ACOT7: variants seen among roughly 807,000 people sequenced by gnomAD.
ACOT7 encodes acyl-CoA thioesterase 7, also known as cytosolic acyl coenzyme A thioester hydrolase.
ACOT7 carries 12 observed loss-of-function variants against 40.2 expected under a neutral mutation model. The observed-to-expected ratio is 0.30, with a 90% CI of 0.19 to 0.48. The LOEUF (loss-of-function observed/expected upper bound fraction) is 0.48, where lower values mean the gene tolerates loss of function less well. Among genes scored for constraint, ACOT7 ranks in the 20% least tolerant of loss-of-function variants. ACOT7 has a pLI of 0.99. For missense variants in ACOT7, 395 were observed against 530.8 expected (o/e 0.74, Z 2.51); for synonymous variants, 228 against 219.5 (o/e 1.04, Z -0.34).
At chr1:6,322,392 A>G (rs1340694299) in intron 5 of ACOT7, among the ~76,000 whole-genome samples, 1 of 152,238 alleles carries the variant, frequency 6.6e-6, no homozygotes, top group African/African-American at 2.4e-5. Flanking sequence ...CATGGCAGCT[A>G]ACAGTGACCA....
rs545229830 is a variant in ACOT7 at position 6,372,403 on chromosome 1, T to C, written c.143+20854A>G. On this transcript the variant is annotated intron_variant, in intron 1 of 8. Coordinates refer to ENST00000361521, the MANE Select transcript of ACOT7 (RefSeq NM_007274.4). Reference sequence around the variant, plus strand: ...GGCTGTTTTGCTTTCTTATCATTCATGTGTTCACTGGAGCAGCACTTGTAA... The same window carrying C: ...GGCTGTTTTGCTTTCTTATCATTCACGTGTTCACTGGAGCAGCACTTGTAA... Among the ~76,000 whole-genome samples the C allele has an allele frequency of 5.1e-4, 78 of 152,380 alleles. 1 individual carries two copies. Among genetic ancestry groups the C allele is most frequent in the Non-Finnish European group, 1.0e-3 (70 of 68,044 alleles).
At position 6,301,903 on chromosome 1, in the gene ACOT7, C is replaced by T. The variant is rs937623368; in HGVS notation, c.713-6923G>A. Among the ~76,000 whole-genome samples the T allele has an allele frequency of 6.6e-6, 1 of 152,224 alleles. No individual in the cohort carries two copies. Among genetic ancestry groups the T allele is most frequent in the Non-Finnish European group, 1.5e-5 (1 of 68,044 alleles). On this transcript the variant is annotated intron_variant, in intron 6 of 8. Transcript: ENST00000361521. This position sits in a 1 kb window ranked among gnomAD's most constrained non-coding sequence, Gnocchi z 4.1. ...TCCTCCAGCCCCAGCAGCCAGCACA[C>T]ACGCACCGGCCTGGGAAACCACGCA...
chr1:6,275,620 G>A lies in ACOT7; in HGVS notation c.1014+5482C>T, dbSNP rs1639164788. ...TAATCCCAGCTACTCGGGAGGCTGA[G>A]GCAGGAGAATCGTTTGAACCCGGGA... is the stretch of plus-strand genomic sequence containing the variant. On this transcript the variant is annotated intron_variant, in intron 8 of 8. Coordinates refer to ENST00000361521, the MANE Select transcript of ACOT7 (RefSeq NM_007274.4). The surrounding 1 kb of genome is among the most constrained non-coding windows in gnomAD (Gnocchi z 5.6). 6.6e-6 allele frequency among the ~76,000 whole-genome samples: 1 copy of A among 151,680 alleles called. No homozygotes were observed. Among genetic ancestry groups the A allele is most frequent in the Non-Finnish European group, 1.5e-5 (1 of 67,958 alleles).
chr1:6,384,804 A>G (rs1025963471), intron 1 of ACOT7, among the ~76,000 whole-genome samples: 1 of 151,768 alleles, frequency 6.6e-6, no homozygotes, highest in Non-Finnish European at 1.5e-5. Flanking sequence ...GCTCCATGTC[A>G]GGAGAACAAA....
At chr1:6,389,056 A>AG (rs1324460237) in intron 1 of ACOT7, among the ~76,000 whole-genome samples, 1 of 152,008 alleles carries the variant, frequency 6.6e-6, no homozygotes. Context: ...AAAAAAAAAA[A>AG]AAAGACAAAG....
At position 6,374,929 on chromosome 1, in the gene ACOT7, G is replaced by A. The variant is rs141501491; in HGVS notation, c.143+18328C>T. Among the ~76,000 whole-genome samples the A allele has an allele frequency of 3.8e-3, 583 of 152,330 alleles. 5 individuals carry two copies. Among genetic ancestry groups the A allele is most frequent in the African/African-American group, 0.013 (561 of 41,566 alleles). On this transcript the variant is annotated intron_variant, in intron 1 of 8. Coordinates refer to ENST00000361521, the MANE Select transcript of ACOT7 (RefSeq NM_007274.4). Reference sequence around the variant, plus strand: ...GTTCATCCTGATCAGTTACATGGCTGAAGTTCCCACTTTATTGATTTAAAG... The same window carrying A: ...GTTCATCCTGATCAGTTACATGGCTAAAGTTCCCACTTTATTGATTTAAAG...
chr1:6,313,823 A>T (rs1398751094), intron 6 of ACOT7, among the ~76,000 whole-genome samples: 2 of 151,986 alleles, frequency 1.3e-5, no homozygotes, highest in African/African-American at 4.8e-5. Context: ...AAAAAAAAAA[A>T]GAAAAAGTCC....
At chr1:6,387,679 G>A (rs1642461697) in intron 1 of ACOT7, among the ~76,000 whole-genome samples, 1 of 152,192 alleles carries the variant, frequency 6.6e-6, no homozygotes, top group African/African-American at 2.4e-5. Context: ...CTTCTGGTCT[G>A]ACCAGAACTG....
At chr1:6,308,588 TGGGCAGAGGGAACTACAACC>T (rs1308923000) in intron 6 of ACOT7, among the ~76,000 whole-genome samples, 14 of 129,048 alleles carry the variant, frequency 1.1e-4, no homozygotes, top group East Asian at 9.4e-4. Context: ...GAACTACAAC[TGGGCAGAGGGAACTACAACC>T]GGGCAGAGGG....
In ACOT7 at chr1:6,299,659, A is replaced by C. The variant is rs868640683; in HGVS notation, c.713-4679T>G. Among the ~76,000 whole-genome samples the C allele has an allele frequency of 2.1e-5, 3 of 142,938 alleles. No individual in the cohort carries two copies. The highest frequency in any genetic ancestry group is 4.5e-5 in the Non-Finnish European group (3 of 66,316). The allele number at this position is 142,938 out of a possible 152,430, so 93.8% of individuals were successfully genotyped here. On this transcript the variant is annotated intron_variant, in intron 6 of 8. Transcript: ENST00000361521. This position sits in a 1 kb window ranked among gnomAD's most constrained non-coding sequence, Gnocchi z 4.1. ...TGGCTTCAGAGAGAGAGAGAGAGAG[A>C]GCGCAAGTGTGTGTGTGTGTGTGTG...
In ACOT7 at chr1:6,322,087, G is replaced by A. The variant is rs572189546; in HGVS notation, c.626-3509C>T. ...CCTTGGGCCAAGCCACAGGTCGTGC[G>A]AACTGGCTGCAATGCAGGATGTCGG... On this transcript the variant is annotated intron_variant, in intron 5 of 8. Transcript: ENST00000361521. 2.5e-4 allele frequency among the ~76,000 whole-genome samples: 38 copies of A among 152,326 alleles called. No individual in the cohort carries two copies. In the East Asian group the frequency reaches 6.0e-3, roughly 24 times the overall value.
chr1:6,335,307 A>T (rs1176286335), intron 3 of ACOT7, among the ~76,000 whole-genome samples: 1 of 146,108 alleles, frequency 6.8e-6, no homozygotes, highest in African/African-American at 2.6e-5. Flanking sequence ...AGGCTGGGCA[A>T]CGAGAGCAAA....
In ACOT7 at chr1:6,327,342, G is replaced by T; in HGVS notation, c.582C>A (p.Thr194=). 6.2e-7 allele frequency: 1 copy of T among 1,614,186 alleles called. No individual in the cohort carries two copies. Among genetic ancestry groups the T allele is most frequent in the Non-Finnish European group, 8.5e-7 (1 of 1,180,026 alleles). ...YEAQKLERME[T]KWRNGDIVQP... The stretch of plus-strand genomic sequence containing the variant: ...GGACGATGTCCCCGTTCCTCCACTT[G>T]GTCTCCATGCGCTCCAGCTTCTGGG... The change falls in exon 5 of 9, where the codon ACC becomes ACA. Residue 194 remains threonine (T), a synonymous_variant. Transcript: ENST00000361521.
Position 6,264,743 on chromosome 1 carries a change from A to G in ACOT7, c.1015-48T>C, listed in dbSNP as rs561595933. ...GGCAGGTTAGGGTCACTGCAGAACC[A>G]GTGCCGTGGCCTTGTGACCTGGCCT... On this transcript the variant is annotated intron_variant, in intron 8 of 8. Coordinates refer to ENST00000361521, the MANE Select transcript of ACOT7 (RefSeq NM_007274.4). 172 of 1,590,836 alleles carry G rather than the reference A, an allele frequency of 1.1e-4. No homozygotes were observed. In the South Asian group the frequency reaches 1.7e-3, roughly 16 times the overall value.
intron 6 of ACOT7, among the ~76,000 whole-genome samples, chr1:6,308,780 T>A (rs28734050): frequency 8.0e-6 from 1 of 125,704 alleles, no homozygotes; most frequent in African/African-American, 3.2e-5. Flanking sequence ...AAGGGAACAG[T>A]GACTGGATGG....
intron 6 of ACOT7, among the ~76,000 whole-genome samples, chr1:6,315,733 C>G (rs563175123): frequency 2.7e-5 from 3 of 110,708 alleles, no homozygotes; most frequent in African/African-American, 1.1e-4. Context: ...CCTGGGTGGG[C>G]GACAGAGTGA....
chr1:6,320,011 G>A (rs1418674582), intron 5 of ACOT7, among the ~76,000 whole-genome samples: 3 of 152,244 alleles, frequency 2.0e-5, no homozygotes, highest in Admixed American at 2.0e-4. Context: ...TGAGGGCATG[G>A]GGGAAGCAAG....
chr1:6,393,044 G>A (rs1467986044), intron 1 of ACOT7, among the ~76,000 whole-genome samples: 2 of 151,702 alleles, frequency 1.3e-5, no homozygotes, highest in Non-Finnish European at 2.9e-5. Flanking sequence ...GGAGGAGCCG[G>A]CTGGAGGCGG....
intron 1 of ACOT7, among the ~76,000 whole-genome samples, chr1:6,382,928 G>A (rs1325693416): frequency 6.6e-6 from 1 of 151,512 alleles, no homozygotes; most frequent in Non-Finnish European, 1.5e-5. Flanking sequence ...ACCCAGGTTG[G>A]AGTGCAATGT....
Sources: gnomAD v4.1 joint callset for allele counts (sites outside exome capture counted in the v4.1 genomes callset) on GRCh38, gnomAD v4.1.1 for gene constraint, Gnocchi (gnomAD v3.1) non-coding constraint, MANE v1.5 for transcripts, NCBI Gene and HGNC (gene_info 2026-07-23, HGNC 2026-07-21) for gene names.